MAP7: variants seen among roughly 807,000 people sequenced by gnomAD.
MAP7 encodes the protein microtubule associated protein 7.
Under a neutral mutation model 94.8 loss-of-function variants are expected in MAP7, and 52 were observed. The observed-to-expected ratio is 0.55, with a 90% CI of 0.44 to 0.69. MAP7 has a LOEUF of 0.69. Ranked by LOEUF, MAP7 falls within the 30% of genes least tolerant of loss-of-function variation. The pLI is 0.00. For missense variants in MAP7, 940 were observed against 964.6 expected (o/e 0.97, Z 0.34); for synonymous variants, 350 against 357.0 (o/e 0.98, Z 0.22).
rs1394267105 is a variant in MAP7 at position 136,397,646 on chromosome 6, T to C, written c.245-8129A>G. Among the ~76,000 whole-genome samples the C allele has an allele frequency of 2.0e-5, 3 of 152,152 alleles. No individual in the cohort carries two copies. In the South Asian group the frequency reaches 6.2e-4, roughly 32 times the overall value. On this transcript the variant is annotated intron_variant, in intron 3 of 17. Coordinates refer to ENST00000354570, the MANE Select transcript of MAP7 (RefSeq NM_003980.6). ...CCTAACAGATTCAGAGGAAATACCA[T>C]GTGAGGACAAAGTGGCCCACTGGAA...
intron 1 of MAP7, among the ~76,000 whole-genome samples, chr6:136,442,377 C>G (rs1798120546): frequency 7.3e-6 from 1 of 137,818 alleles, no homozygotes; most frequent in Non-Finnish European, 1.5e-5. Context: ...TGCACTCCAG[C>G]CTGGGTGACA....
intron 1 of MAP7, among the ~76,000 whole-genome samples, chr6:136,542,768 G>T (rs985011000): frequency 6.6e-6 from 1 of 151,928 alleles, no homozygotes; most frequent in African/African-American, 2.4e-5. Context: ...GGAGAATAAA[G>T]ATATTAGAGT....
In MAP7 at chr6:136,344,069, A is replaced by C. The variant is rs369815266; in HGVS notation, c.*159T>G. ...ATGAAAATTATTAGAAAAGCTATCC[A>C]GTCTGTTGTCTTTAGCTAGTTTTAA... is the stretch of plus-strand genomic sequence containing the variant. On this transcript the variant is annotated 3_prime_UTR_variant, in exon 18 of 18. Coordinates refer to ENST00000354570, the MANE Select transcript of MAP7 (RefSeq NM_003980.6). 4 of 378,266 alleles carry C rather than the reference A, an allele frequency of 1.1e-5. No individual in the cohort carries two copies. The highest frequency in any genetic ancestry group is 4.9e-6 in the Non-Finnish European group (1 of 206,086). 23.4% of individuals were successfully genotyped at this position (378,266 alleles called of 1,614,324 possible). A position where few individuals can be genotyped will look rare whatever the true frequency, so the allele number is the denominator to read the frequency against.
chr6:136,469,113 C>T (rs1171618804), intron 1 of MAP7, among the ~76,000 whole-genome samples: 1 of 152,108 alleles, frequency 6.6e-6, no homozygotes, highest in Non-Finnish European at 1.5e-5. Flanking sequence ...TTCTCTGTCC[C>T]AGTGCATGGA....
chr6:136,469,928 A>G (rs1808412957), intron 1 of MAP7, among the ~76,000 whole-genome samples: 1 of 152,202 alleles, frequency 6.6e-6, no homozygotes, highest in African/African-American at 2.4e-5. Context: ...GAGAACTCTG[A>G]GGGTCCACGT....
At chr6:136,361,283 A>C in intron 11 of MAP7, 104 bp from the exon 12 acceptor site, 1 of 1,214,046 alleles carries the variant, frequency 8.2e-7, no homozygotes, top group Non-Finnish European at 1.2e-6. Context: ...TTAGGCGTCC[A>C]GTAGAAAAAT....
intron 1 of MAP7, among the ~76,000 whole-genome samples, chr6:136,533,628 T>C (rs1001388056): frequency 5.9e-5 from 9 of 152,190 alleles, no homozygotes; most frequent in Non-Finnish European, 1.3e-4. Context: ...CTGCAGACTG[T>C]ACAAGGAGCA....
chr6:136,540,208 G>T (rs891763437), intron 1 of MAP7, among the ~76,000 whole-genome samples: 1 of 152,136 alleles, frequency 6.6e-6, no homozygotes, highest in Admixed American at 6.5e-5. Flanking sequence ...CTGGTCACAC[G>T]GAAGGGAAAA....
chr6:136,463,341 T>C (rs1355580558), intron 1 of MAP7, among the ~76,000 whole-genome samples: 1 of 152,226 alleles, frequency 6.6e-6, no homozygotes, highest in Admixed American at 6.5e-5. Context: ...TTAGGAAATA[T>C]TCTCCATACC....
chr6:136,344,224 A>T lies in MAP7; in HGVS notation c.*4T>A. On this transcript the variant is annotated 3_prime_UTR_variant, in exon 18 of 18. Transcript: ENST00000354570. ...TTTCAGCTTTGGTTCTTCAGAAGAA[A>T]CACTCATATAACTTCTACATGAAGA... The T allele has an allele frequency of 7.5e-7, 1 of 1,329,574 alleles. No homozygotes were observed. The highest frequency in any genetic ancestry group is 1.0e-6 in the Non-Finnish European group (1 of 994,884). 82.4% of individuals were successfully genotyped at this position (1,329,574 alleles called of 1,614,324 possible).
chr6:136,409,240 C>T (rs574221758), intron 3 of MAP7, among the ~76,000 whole-genome samples: 1 of 151,788 alleles, frequency 6.6e-6, no homozygotes, highest in African/African-American at 2.4e-5. Context: ...GAGAAAAATG[C>T]CAGGTGTGGT....
At chr6:136,470,300 C>G (rs1356657653) in intron 1 of MAP7, among the ~76,000 whole-genome samples, 1 of 151,882 alleles carries the variant, frequency 6.6e-6, no homozygotes, top group African/African-American at 2.4e-5. Flanking sequence ...TATCTAGTAG[C>G]AGTCCTGCTT....
At chr6:136,355,443 T>C (rs1297905225) in intron 16 of MAP7, among the ~76,000 whole-genome samples, 1 of 152,120 alleles carries the variant, frequency 6.6e-6, no homozygotes, top group South Asian at 2.1e-4. Flanking sequence ...CAGGGTATTC[T>C]CTTTGGTATT....
intron 1 of MAP7, among the ~76,000 whole-genome samples, chr6:136,464,030 G>A (rs966505721): frequency 2.0e-5 from 3 of 152,190 alleles, no homozygotes; most frequent in Non-Finnish European, 4.4e-5. Context: ...TGCAGTGGCT[G>A]AGCAGAACGT....
In MAP7 at chr6:136,535,903, C is replaced by A. The variant is rs559884184; in HGVS notation, c.67+14439G>T. 5.3e-5 allele frequency among the ~76,000 whole-genome samples: 8 copies of A among 152,100 alleles called. No individual in the cohort carries two copies. The East Asian group carries it at 1.2e-3, about 22-fold the overall frequency. On this transcript the variant is annotated intron_variant, in intron 1 of 17. Coordinates refer to ENST00000354570, the MANE Select transcript of MAP7 (RefSeq NM_003980.6). The stretch of plus-strand genomic sequence containing the variant: ...TAATGCTATCCCTCCCCGCTCCCCC[C>A]ACCCCACGACAGGCCCCAGTGTGTG...
intron 1 of MAP7, chr6:136,526,079 C>T (rs1277145118): frequency 3.5e-6 from 5 of 1,429,440 alleles, no homozygotes; most frequent in Non-Finnish European, 4.5e-6. Context: ...CATTTGAGCA[C>T]TTGTAATAGA....
chr6:136,350,529 A>C (rs1788869578), intron 16 of MAP7, among the ~76,000 whole-genome samples: 1 of 152,304 alleles, frequency 6.6e-6, no homozygotes, highest in African/African-American at 2.4e-5. Context: ...ATGAATGGGA[A>C]GCTGTTTTGG....
At chr6:136,446,913 T>A (rs764008143) in intron 1 of MAP7, among the ~76,000 whole-genome samples, 1 of 152,144 alleles carries the variant, frequency 6.6e-6, no homozygotes, top group Non-Finnish European at 1.5e-5. Flanking sequence ...GACAAAAACT[T>A]AAAAAAATTT....
At chr6:136,496,207 G>T (rs1440644314) in intron 1 of MAP7, among the ~76,000 whole-genome samples, 1 of 152,180 alleles carries the variant, frequency 6.6e-6, no homozygotes, top group African/African-American at 2.4e-5. Context: ...GGGAAGAAAA[G>T]ATATCCACTG....
Sources: allele counts gnomAD v4.1 joint callset (sites outside exome capture counted in the v4.1 genomes callset), GRCh38; gene constraint gnomAD v4.1.1; transcripts MANE v1.5; gene names NCBI Gene and HGNC (gene_info 2026-07-23, HGNC 2026-07-21).